The following MAGI1 variants were observed in gnomAD, a reference collection of about 807,000 sequenced individuals.
MAGI1 encodes membrane associated guanylate kinase, WW and PDZ domain containing 1.
A neutral mutation model predicts 139.9 loss-of-function variants in MAGI1; 58 were observed. The observed-to-expected ratio is 0.41, with a 90% CI of 0.34 to 0.52. The LOEUF (loss-of-function observed/expected upper bound fraction) is 0.52, where lower values mean the gene tolerates loss of function less well. Among genes scored for constraint, MAGI1 ranks in the 20% least tolerant of loss-of-function variants. The probability of loss-of-function intolerance (pLI) is 0.12; values close to 1 mark genes in which losing one functional copy is unlikely to be tolerated. For missense variants in MAGI1, 1,874 were observed against 1,901.6 expected, an observed-to-expected ratio of 0.99 and a Z score of 0.27; for synonymous variants, 812 against 737.9, an observed-to-expected ratio of 1.10 and a Z score of -1.63.
intron 1 of MAGI1, among the ~76,000 whole-genome samples, chr3:65,839,751 T>G (rs2058743088): frequency 6.6e-6 from 1 of 152,172 alleles, no homozygotes; most frequent in Non-Finnish European, 1.5e-5. Flanking sequence ...ACTGACAAAC[T>G]GGACTTTATC....
chr3:65,535,978 C>T (rs1354675455), intron 2 of MAGI1, among the ~76,000 whole-genome samples: 1 of 152,170 alleles, frequency 6.6e-6, no homozygotes, highest in East Asian at 1.9e-4. Context: ...GGTGCTCACA[C>T]CATGAGGGGC....
chr3:65,928,981 C>T (rs2062660352), intron 1 of MAGI1, among the ~76,000 whole-genome samples: 1 of 151,978 alleles, frequency 6.6e-6, no homozygotes, highest in Admixed American at 6.6e-5. Context: ...TTGATGCTTT[C>T]AGCTTATTTA....
chr3:65,604,815 T>C (rs143053598), intron 2 of MAGI1, among the ~76,000 whole-genome samples: 1 of 151,762 alleles, frequency 6.6e-6, no homozygotes, highest in Non-Finnish European at 1.5e-5. Flanking sequence ...ATAAACAAAA[T>C]TCCTATGACT....
intron 1 of MAGI1, among the ~76,000 whole-genome samples, chr3:65,692,862 A>G (rs951607342): frequency 6.6e-6 from 1 of 152,172 alleles, no homozygotes; most frequent in Non-Finnish European, 1.5e-5. Flanking sequence ...ACAAGAAGGT[A>G]TTCATCAAAT....
intron 1 of MAGI1, among the ~76,000 whole-genome samples, chr3:65,882,894 A>G (rs1393974656): frequency 1.3e-5 from 2 of 150,544 alleles, no homozygotes; most frequent in Admixed American, 6.6e-5. Flanking sequence ...ATGATCACGC[A>G]ACTGCATTTC....
intron 1 of MAGI1, among the ~76,000 whole-genome samples, chr3:65,987,321 G>A (rs1047349599): frequency 1.3e-5 from 2 of 152,186 alleles, no homozygotes; most frequent in Non-Finnish European, 2.9e-5. Flanking sequence ...TAGTATCCTA[G>A]ATGAAATGGA....
chr3:65,655,678 T>C (rs2085834627), intron 1 of MAGI1, among the ~76,000 whole-genome samples: 1 of 152,214 alleles, frequency 6.6e-6, no homozygotes, highest in African/African-American at 2.4e-5. Context: ...GAACTATCAT[T>C]ACCTCAGTCA....
At chr3:66,036,346 A>T (rs1248486578) in intron 1 of MAGI1, among the ~76,000 whole-genome samples, 1 of 152,150 alleles carries the variant, frequency 6.6e-6, no homozygotes, top group African/African-American at 2.4e-5. Context: ...AAGGTTTTGA[A>T]CCTCAAGCAA....
intron 1 of MAGI1, among the ~76,000 whole-genome samples, chr3:65,765,302 T>C (rs2037376313): frequency 6.6e-6 from 1 of 152,210 alleles, no homozygotes; most frequent in Non-Finnish European, 1.5e-5. Flanking sequence ...ACTGATCCCA[T>C]GATCCCATAA....
chr3:65,927,016 G>C (rs768057570), intron 1 of MAGI1, among the ~76,000 whole-genome samples: 4 of 151,992 alleles, frequency 2.6e-5, no homozygotes, highest in Non-Finnish European at 4.4e-5. Context: ...ATAAAAATGG[G>C]GAGAAACCCT....
intron 1 of MAGI1, among the ~76,000 whole-genome samples, chr3:65,846,023 C>T (rs554491587): frequency 1.3e-5 from 2 of 152,270 alleles, no homozygotes; most frequent in South Asian, 4.1e-4. Context: ...GAATAAAAGC[C>T]TCAAACCAGT....
intron 1 of MAGI1, among the ~76,000 whole-genome samples, chr3:65,790,678 T>A (rs539792261): frequency 1.3e-5 from 2 of 152,094 alleles, no homozygotes; most frequent in Non-Finnish European, 2.9e-5. Context: ...GGGAAAGGGG[T>A]AGCCCAGACC....
rs1371744960 is a variant in MAGI1, at chr3:65,356,413, G to A, written c.4354C>T (p.Pro1452Ser). ...SRHPPEQRRR[P>S]YKECSTDLSI ...AGGTCGGTGCTACATTCTTTGTAAG[G>A]TCGCCTTCTCTGCTCCGGGGGATGT... The change falls in exon 23 of 23, where the codon CCT (proline) becomes TCT (serine). Residue 1452 changes from proline (P) to serine (S), a missense_variant. Physicochemically the swap from Pro to Ser is moderately conservative, Grantham distance 74. This residue lies in a region of MAGI1 where 653 missense variants were observed against 644.5 expected (regional missense o/e 1.01). Transcript: ENST00000402939. The A allele has an allele frequency of 5.6e-6, 9 of 1,604,716 alleles. No individual in the cohort carries two copies. The highest frequency in any genetic ancestry group is 1.1e-5 in the South Asian group (1 of 90,428).
chr3:65,369,120 T>G (rs1941732034), intron 18 of MAGI1, among the ~76,000 whole-genome samples: 1 of 152,156 alleles, frequency 6.6e-6, no homozygotes, highest in Admixed American at 6.6e-5. Context: ...GGAGAGAAGG[T>G]TCTGCCCTCC....
At chr3:65,909,030 A>G (rs922216597) in intron 1 of MAGI1, among the ~76,000 whole-genome samples, 1 of 152,204 alleles carries the variant, frequency 6.6e-6, no homozygotes, top group Non-Finnish European at 1.5e-5. Context: ...GTCTTTTATA[A>G]TGCCAATTCC....
intron 1 of MAGI1, among the ~76,000 whole-genome samples, chr3:66,024,340 A>G (rs994930920): frequency 8.0e-6 from 1 of 124,922 alleles, no homozygotes; most frequent in Non-Finnish European, 1.7e-5. Flanking sequence ...AAAAAAAAAG[A>G]ACAGGCTTCT....
At chr3:65,405,024 G>A (rs147621509) in intron 12 of MAGI1, among the ~76,000 whole-genome samples, 2 of 152,322 alleles carry the variant, frequency 1.3e-5, no homozygotes, top group East Asian at 3.9e-4. Context: ...GGGTAAGGAA[G>A]GGGAACTCTC....
chr3:65,518,461 C>A (rs899308696), intron 2 of MAGI1, among the ~76,000 whole-genome samples: 1 of 152,064 alleles, frequency 6.6e-6, no homozygotes, highest in Admixed American at 6.6e-5. Context: ...CTTAACTTCA[C>A]GAGAAAATAA....
chr3:65,440,327 C>T (rs1948189952), intron 8 of MAGI1, among the ~76,000 whole-genome samples: 1 of 152,130 alleles, frequency 6.6e-6, no homozygotes, highest in African/African-American at 2.4e-5. Flanking sequence ...CAGTTAAATA[C>T]TTCATCTAGC....
Sources: allele counts gnomAD v4.1 joint callset (sites outside exome capture counted in the v4.1 genomes callset), GRCh38; gene constraint gnomAD v4.1.1; regional missense constraint gnomAD v4.1.1; transcripts MANE v1.5; gene names NCBI Gene and HGNC (gene_info 2026-07-23, HGNC 2026-07-21).